The following SCRN1 variants were observed in gnomAD, a reference collection of about 807,000 sequenced individuals.
The protein encoded by SCRN1 is secernin-1.
SCRN1 carries 19 observed loss-of-function variants against 43.3 expected under a neutral mutation model. The ratio of observed to expected loss-of-function variants is 0.44; its 90% CI spans 0.31 to 0.64. The LOEUF (loss-of-function observed/expected upper bound fraction) is 0.64. SCRN1 is among the 30% of genes least tolerant of loss of function. The pLI is 0.09. For missense variants in SCRN1, 447 were observed against 524.1 expected, an observed-to-expected ratio of 0.85 and a Z score of 1.44; for synonymous variants, 183 against 188.9, an observed-to-expected ratio of 0.97 and a Z score of 0.26.
chr7:29,982,978 A>G (rs1269955679), intron 1 of SCRN1, among the ~76,000 whole-genome samples: 1 of 151,976 alleles, frequency 6.6e-6, no homozygotes, highest in African/African-American at 2.4e-5. Flanking sequence ...AGCTGGGATT[A>G]CAGGCATGCA....
chr7:29,987,002 GC>G (rs1278467277), intron 1 of SCRN1, among the ~76,000 whole-genome samples: 1 of 152,150 alleles, frequency 6.6e-6, no homozygotes, highest in Non-Finnish European at 1.5e-5. Context: ...GGGATTACAG[GC>G]GTGAGCCACC....
intron 3 of SCRN1, among the ~76,000 whole-genome samples, chr7:29,945,714 G>A (rs1157364279): frequency 2.6e-5 from 4 of 152,176 alleles, no homozygotes; most frequent in African/African-American, 9.7e-5. Flanking sequence ...CTTAAGTAAT[G>A]TGACCTTTCC....
At chr7:29,932,234 T>C (rs1457042677) in intron 6 of SCRN1, among the ~76,000 whole-genome samples, 2 of 152,198 alleles carry the variant, frequency 1.3e-5, no homozygotes, top group Non-Finnish European at 2.9e-5. Context: ...CGGCTCTGTC[T>C]ATCTGTGCAG....
intron 2 of SCRN1, among the ~76,000 whole-genome samples, chr7:29,961,835 C>T (rs1029110045): frequency 2.0e-5 from 3 of 152,084 alleles, no homozygotes; most frequent in Admixed American, 6.5e-5. Context: ...GCTGACCCCC[C>T]CACTGGAGGA....
At chr7:29,927,265 T>G (rs1786994903) in intron 6 of SCRN1, among the ~76,000 whole-genome samples, 1 of 152,066 alleles carries the variant, frequency 6.6e-6, no homozygotes, top group Admixed American at 6.5e-5. Flanking sequence ...TTCAGTTCTC[T>G]CGGCAGGATG....
intron 1 of SCRN1, among the ~76,000 whole-genome samples, chr7:29,977,945 G>A (rs1194009558): frequency 1.3e-5 from 2 of 152,184 alleles, no homozygotes; most frequent in Non-Finnish European, 2.9e-5. Context: ...TGATGAAAGC[G>A]GTCCCTTTGT....
At chr7:29,956,733 A>G (rs77898094) in intron 2 of SCRN1, among the ~76,000 whole-genome samples, 3,509 of 152,204 alleles carry the variant, frequency 0.023, 50 homozygotes, top group South Asian at 0.056. Flanking sequence ...CAAACTGAAA[A>G]CTAATTATAT....
intron 2 of SCRN1, among the ~76,000 whole-genome samples, chr7:29,958,035 G>A (rs1425666730): frequency 6.6e-6 from 1 of 152,206 alleles, no homozygotes; most frequent in Non-Finnish European, 1.5e-5. Context: ...TCGGAATGGT[G>A]AGGAAGGAAG....
At chr7:29,927,690 A>G (rs778542255) in intron 6 of SCRN1, among the ~76,000 whole-genome samples, 2 of 152,172 alleles carry the variant, frequency 1.3e-5, no homozygotes, top group Non-Finnish European at 2.9e-5. Context: ...TCTCCTCTCA[A>G]CAGGTGCACT....
At chr7:29,986,783 G>A (rs1384083442) in intron 1 of SCRN1, among the ~76,000 whole-genome samples, 1 of 139,694 alleles carries the variant, frequency 7.2e-6, no homozygotes, top group Non-Finnish European at 1.5e-5. Context: ...GGAGTGCAGT[G>A]GCACCATCTC....
intron 6 of SCRN1, among the ~76,000 whole-genome samples, chr7:29,934,960 G>A (rs1274198436): frequency 1.3e-5 from 2 of 152,154 alleles, no homozygotes; most frequent in Non-Finnish European, 2.9e-5. Flanking sequence ...TGCATGTGCC[G>A]TCCTCTCCAC....
chr7:29,935,336 A>G (rs1188701883), intron 6 of SCRN1, among the ~76,000 whole-genome samples: 1 of 152,246 alleles, frequency 6.6e-6, no homozygotes, highest in Non-Finnish European at 1.5e-5. Flanking sequence ...AGCTAGATGC[A>G]ATCACTGTCT....
intron 6 of SCRN1, among the ~76,000 whole-genome samples, chr7:29,934,656 CA>C (rs956935049): frequency 2.5e-4 from 38 of 152,152 alleles, no homozygotes; most frequent in African/African-American, 8.2e-4. Flanking sequence ...TCTGGTGGGA[CA>C]AAAAGTGGGT....
rs1386952947 is a variant in SCRN1, at chr7:29,934,810, GGTGCCACGGGA to G, written c.905+1735_905+1745del. On this transcript the variant is annotated intron_variant, in intron 6 of 7. Transcript: ENST00000242059. Reference sequence around the variant, plus strand: ...TGAGGCTCACAGATAAAGGCTGACGGGTGCCACGGGAGGGTGGTGGGCTTGTTTCACAGAGG... The same window carrying G: ...TGAGGCTCACAGATAAAGGCTGACGGGGGTGGTGGGCTTGTTTCACAGAGG... 2.6e-5 allele frequency among the ~76,000 whole-genome samples: 4 copies of G among 152,242 alleles called. No homozygotes were observed. In the East Asian group the frequency reaches 7.7e-4, roughly 29 times the overall value.
chr7:29,964,762 T>G (rs554632743), intron 2 of SCRN1, among the ~76,000 whole-genome samples: 18 of 152,124 alleles, frequency 1.2e-4, no homozygotes, highest in African/African-American at 4.3e-4. Context: ...GCCAACATGA[T>G]GAAACCCCGT....
intron 5 of SCRN1, among the ~76,000 whole-genome samples, chr7:29,937,887 C>G (rs1469206773): frequency 6.6e-6 from 1 of 152,230 alleles, no homozygotes; most frequent in East Asian, 1.9e-4. Context: ...ACTTACATGT[C>G]ATACCTAGAA....
At chr7:29,924,766 G>A (rs1035349108) in intron 7 of SCRN1, among the ~76,000 whole-genome samples, 5 of 151,904 alleles carry the variant, frequency 3.3e-5, no homozygotes, top group African/African-American at 1.2e-4. Context: ...TCTCTCCCCT[G>A]TTCACTCTTT....
chr7:29,939,019 T>A (rs1176173921), intron 5 of SCRN1, among the ~76,000 whole-genome samples: 1 of 152,182 alleles, frequency 6.6e-6, no homozygotes, highest in African/African-American at 2.4e-5. Flanking sequence ...AGATTTAGAG[T>A]TGATGTTTTG....
intron 1 of SCRN1, among the ~76,000 whole-genome samples, chr7:29,982,192 T>C (rs1466224931): frequency 1.3e-5 from 2 of 152,210 alleles, no homozygotes; most frequent in South Asian, 2.1e-4. Flanking sequence ...ACAGATTCAT[T>C]TGACAGGGGT....
Sources: gnomAD v4.1 joint callset for allele counts (sites outside exome capture counted in the v4.1 genomes callset) on GRCh38, gnomAD v4.1.1 for gene constraint, MANE v1.5 for transcripts, NCBI Gene and HGNC (gene_info 2026-07-23, HGNC 2026-07-21) for gene names.